RBKS: variants seen among roughly 807,000 people sequenced by gnomAD.
The protein encoded by RBKS is ribokinase.
Under a neutral mutation model 33.9 loss-of-function variants are expected in RBKS, and 33 were observed. The observed-to-expected ratio is 0.97, with a 90% CI of 0.74 to 1.30. The LOEUF (loss-of-function observed/expected upper bound fraction) is 1.30. Among genes scored for constraint, RBKS ranks in the 50% most tolerant of loss-of-function variants. RBKS has a pLI of 0.00. For missense variants in RBKS, 361 were observed against 392.6 expected, an observed-to-expected ratio of 0.92 and a Z score of 0.68; for synonymous variants, 125 against 143.0, an observed-to-expected ratio of 0.87 and a Z score of 0.90.
At chr2:27,781,896 G>T in intron 7 of RBKS, 108 bp from the exon 8 acceptor site, 1 of 1,006,544 alleles carries the variant, frequency 9.9e-7, no homozygotes, top group South Asian at 1.8e-5. Flanking sequence ...TAGATTTACA[G>T]AAAAGGTACA....
rs1011899748 is a variant in RBKS at position 27,837,993 on chromosome 2, A to C, written c.514+5074T>G. ...GGCAGGTGGATCACCTGAGGTAAGAAGTTCAAGACAAGCCTGGCCAACATG... is the reference window on the plus strand; with the variant it reads ...GGCAGGTGGATCACCTGAGGTAAGACGTTCAAGACAAGCCTGGCCAACATG... On this transcript the variant is annotated intron_variant, in intron 5 of 7. Coordinates refer to ENST00000302188, the MANE Select transcript of RBKS (RefSeq NM_022128.3). This position sits in a 1 kb window ranked among gnomAD's most constrained non-coding sequence, Gnocchi z 4.0. 1.3e-5 allele frequency among the ~76,000 whole-genome samples: 2 copies of C among 152,178 alleles called. No homozygotes were observed. Among genetic ancestry groups the C allele is most frequent in the Non-Finnish European group, 2.9e-5 (2 of 68,036 alleles).
chr2:27,883,344 C>T (rs1237704274), intron 1 of RBKS, among the ~76,000 whole-genome samples: 3 of 152,114 alleles, frequency 2.0e-5, no homozygotes, highest in Non-Finnish European at 2.9e-5. Context: ...GGACTACAGG[C>T]GTCTGCCACC....
intron 7 of RBKS, among the ~76,000 whole-genome samples, chr2:27,812,905 T>C (rs1169890897): frequency 1.4e-5 from 2 of 143,158 alleles, no homozygotes; most frequent in Admixed American, 1.4e-4. Flanking sequence ...AAAAAAAGGG[T>C]TAAAGTTAGG....
rs750374545 is a variant in RBKS at position 27,781,608 on chromosome 2, A to G, written c.*7T>C. On this transcript the variant is annotated 3_prime_UTR_variant, in exon 8 of 8. Coordinates refer to ENST00000302188, the MANE Select transcript of RBKS (RefSeq NM_022128.3). Reference sequence around the variant, plus strand: ...CCCAGGTATATTTATTTTGGGACTAATAGCAATCAAAACAGAGTAAGCGGA... The same window carrying G: ...CCCAGGTATATTTATTTTGGGACTAGTAGCAATCAAAACAGAGTAAGCGGA... 2.5e-6 allele frequency: 4 copies of G among 1,602,954 alleles called. No individual in the cohort carries two copies. Among genetic ancestry groups the G allele is most frequent in the Non-Finnish European group, 3.4e-6 (4 of 1,174,438 alleles).
At chr2:27,799,911 G>A (rs1451109659) in intron 7 of RBKS, among the ~76,000 whole-genome samples, 5 of 152,198 alleles carry the variant, frequency 3.3e-5, no homozygotes, top group Admixed American at 6.5e-5. Context: ...AGGCTGAGGC[G>A]TGAGTATCTA....
Position 27,825,984 on chromosome 2 carries a change from G to A in RBKS, c.795+1583C>T, listed in dbSNP as rs79534160. ...GTGAAAGTAGTGTTAGTCTAATGGCGGATTGATTTCAGAACTAAGGATCCC... is the reference window on the plus strand; with the variant it reads ...GTGAAAGTAGTGTTAGTCTAATGGCAGATTGATTTCAGAACTAAGGATCCC... On this transcript the variant is annotated intron_variant, in intron 7 of 7. Transcript: ENST00000302188. Among the ~76,000 whole-genome samples, 38 of 152,250 alleles carry A rather than the reference G, an allele frequency of 2.5e-4. No homozygotes were observed. In the East Asian group the frequency reaches 4.2e-3, roughly 17 times the overall value.
intron 1 of RBKS, among the ~76,000 whole-genome samples, chr2:27,862,928 T>C (rs1439963833): frequency 1.3e-5 from 2 of 152,166 alleles, no homozygotes; most frequent in Non-Finnish European, 2.9e-5. Flanking sequence ...CATGAAATTA[T>C]GTTCAGGTTC....
At chr2:27,854,142 T>A (rs1663803846) in intron 2 of RBKS, among the ~76,000 whole-genome samples, 1 of 152,234 alleles carries the variant, frequency 6.6e-6, no homozygotes, top group African/African-American at 2.4e-5. Context: ...CTAACAATTT[T>A]ATAAAATACA....
Position 27,827,656 on chromosome 2 carries a change from A to C in RBKS, c.706T>G (p.Leu236Val). 6.2e-7 allele frequency: 1 copy of C among 1,614,054 alleles called. No homozygotes were observed. Among genetic ancestry groups the C allele is most frequent in the Non-Finnish European group, 8.5e-7 (1 of 1,179,994 alleles). Reference protein sequence around the residue: ...KRGCQVVIITLGAEGCVVLSQ... With the variant: ...KRGCQVVIITVGAEGCVVLSQ... ...AGCACCACACATCCTTCAGCCCCTA[A>C]GGTAATGATTACCACCTGGCAGCCC... Residue 236 changes from leucine (L) to valine (V), a missense_variant, in exon 7 of 8, where the codon TTA (leucine) becomes GTA (valine). Physicochemically the swap from Leu to Val is conservative, Grantham distance 32. Coordinates refer to ENST00000302188, the MANE Select transcript of RBKS (RefSeq NM_022128.3).
In RBKS at chr2:27,846,939, A is replaced by T. The variant is rs1181991729; in HGVS notation, c.349+103T>A. On this transcript the variant is annotated intron_variant, in intron 4 of 7. Transcript: ENST00000302188. Reference sequence around the variant, plus strand: ...TGTTTTAGGCCTTGGAGTGATGGGTATAGTAAGAGGTCCATAGGATTATGG... The same window carrying T: ...TGTTTTAGGCCTTGGAGTGATGGGTTTAGTAAGAGGTCCATAGGATTATGG... The T allele has an allele frequency of 1.2e-5, 9 of 734,382 alleles. No individual in the cohort carries two copies. The East Asian group carries it at 2.2e-4, about 18-fold the overall frequency. The allele number at this position is 734,382 out of a possible 1,614,324, so 45.5% of individuals were successfully genotyped here.
intron 7 of RBKS, among the ~76,000 whole-genome samples, chr2:27,820,387 A>C (rs1343282993): frequency 5.3e-5 from 8 of 152,170 alleles, no homozygotes; most frequent in Admixed American, 4.6e-4. Context: ...AGTAAATGGC[A>C]CTACATTATT....
At chr2:27,823,963 A>G (rs1678265103) in intron 7 of RBKS, among the ~76,000 whole-genome samples, 1 of 152,186 alleles carries the variant, frequency 6.6e-6, no homozygotes, top group Admixed American at 6.5e-5. Context: ...ATTACCCACA[A>G]GCTTGTCCGA....
intron 1 of RBKS, among the ~76,000 whole-genome samples, chr2:27,863,083 A>C (rs569002224): frequency 6.6e-6 from 1 of 152,370 alleles, no homozygotes; most frequent in South Asian, 2.1e-4. Flanking sequence ...AAACAGTATT[A>C]GTAGAAATAC....
intron 7 of RBKS, among the ~76,000 whole-genome samples, chr2:27,811,247 C>T (rs1271146718): frequency 2.6e-5 from 4 of 152,210 alleles, no homozygotes; most frequent in Non-Finnish European, 5.9e-5. Context: ...CATGGGACTT[C>T]TCATTCTAGC....
chr2:27,850,961 G>C (rs554258904), intron 2 of RBKS, among the ~76,000 whole-genome samples: 3 of 152,274 alleles, frequency 2.0e-5, no homozygotes, highest in African/African-American at 7.2e-5. Flanking sequence ...GTGCCTTAAA[G>C]TGCTCATAGA....
chr2:27,836,711 A>G (rs2148207686), intron 5 of RBKS, among the ~76,000 whole-genome samples: 1 of 152,302 alleles, frequency 6.6e-6, no homozygotes, highest in South Asian at 2.1e-4. Flanking sequence ...TAAACAGAAA[A>G]CCTATAGAAT....
Position 27,858,435 on chromosome 2 carries a change from T to TAGTGGAG in RBKS, c.222+3_222+4insCTCCACT. ...GAGTCCTCTCCACTATACTTTGTAC[T>TAGTGGAG]TACCTTACACACCATGGACGTCATT... On this transcript the variant is annotated splice_donor_region_variant and intron_variant, in intron 2 of 7. Coordinates refer to ENST00000302188, the MANE Select transcript of RBKS (RefSeq NM_022128.3). 6.2e-7 allele frequency: 1 copy of TAGTGGAG among 1,609,714 alleles called. No homozygotes were observed.
intron 7 of RBKS, among the ~76,000 whole-genome samples, chr2:27,788,371 T>C (rs1206482916): frequency 1.3e-5 from 2 of 152,160 alleles, no homozygotes; most frequent in Middle Eastern, 3.2e-3. Context: ...CTACTAGAAA[T>C]AGTAGGTTTA....
At chr2:27,801,942 T>G (rs1169430890) in intron 7 of RBKS, among the ~76,000 whole-genome samples, 2 of 93,010 alleles carry the variant, frequency 2.2e-5, no homozygotes, top group Admixed American at 3.2e-4. Context: ...GTTTCCCGAG[T>G]AGCTGGGGAA....
Sources: gnomAD v4.1 joint callset for allele counts (sites outside exome capture counted in the v4.1 genomes callset) on GRCh38, gnomAD v4.1.1 for gene constraint, Gnocchi (gnomAD v3.1) non-coding constraint, MANE v1.5 for transcripts, NCBI Gene and HGNC (gene_info 2026-07-23, HGNC 2026-07-21) for gene names.